GSK3B: variants seen among roughly 807,000 people sequenced by gnomAD.
The protein encoded by GSK3B is glycogen synthase kinase 3 beta.
A neutral mutation model predicts 56.4 loss-of-function variants in GSK3B; 15 were observed. The observed-to-expected ratio is 0.27, with a 90% CI of 0.18 to 0.41. The LOEUF (loss-of-function observed/expected upper bound fraction) is 0.41. GSK3B is among the 10% of genes least tolerant of loss of function. The pLI is 1.00. For missense variants in GSK3B, 300 were observed against 513.4 expected (o/e 0.58, Z 4.02); for synonymous variants, 181 against 188.9 (o/e 0.96, Z 0.34).
At chr3:120,089,429 A>G (rs146550166) in intron 1 of GSK3B, among the ~76,000 whole-genome samples, 2 of 152,362 alleles carry the variant, frequency 1.3e-5, no homozygotes, top group African/African-American at 2.4e-5. Context: ...GAAATGGACT[A>G]AACTCTAATA....
intron 2 of GSK3B, among the ~76,000 whole-genome samples, chr3:119,972,193 C>T (rs1043508421): frequency 6.6e-6 from 1 of 152,098 alleles, no homozygotes; most frequent in Non-Finnish European, 1.5e-5. Context: ...TTACCTCTAA[C>T]AGAAACTTTA....
At position 119,823,920 on chromosome 3, in the gene GSK3B, A is replaced by T. The variant is rs76949365; in HGVS notation, c.*2868T>A. 0.026 allele frequency: 4,662 copies of T among 179,874 alleles called. 187 individuals are homozygous for T. The highest frequency in any genetic ancestry group is 0.096 in the African/African-American group (4,023 of 41,910). 11.1% of individuals were successfully genotyped at this position (179,874 alleles called of 1,614,324 possible). A position where few individuals can be genotyped will look rare whatever the true frequency, so the allele number is the denominator to read the frequency against. ...ATTAAAATTTAAAAAAGAACAAATT[A>T]AAAAAAAAAACACATGGAAGCGAAG... On this transcript the variant is annotated 3_prime_UTR_variant, in exon 11 of 11. Transcript: ENST00000264235.
At chr3:119,894,252 TG>T (rs112676896) in intron 7 of GSK3B, among the ~76,000 whole-genome samples, 3,932 of 152,258 alleles carry the variant, frequency 0.026, 174 homozygotes, top group African/African-American at 0.089. Flanking sequence ...TTTGTGTGGA[TG>T]TAAGTTTTCA....
At chr3:119,948,264 T>TA (rs1171574825) in intron 2 of GSK3B, among the ~76,000 whole-genome samples, 1 of 152,102 alleles carries the variant, frequency 6.6e-6, no homozygotes, top group Non-Finnish European at 1.5e-5. Flanking sequence ...GAAATGGTGT[T>TA]ACGGTCAGAA....
chr3:119,882,614 A>C (rs932815524), intron 7 of GSK3B, among the ~76,000 whole-genome samples: 2 of 152,208 alleles, frequency 1.3e-5, no homozygotes, highest in Non-Finnish European at 2.9e-5. Flanking sequence ...ACAACTTTTT[A>C]TGTAAGTATG....
At chr3:120,026,889 T>A (rs775912111) in intron 1 of GSK3B, among the ~76,000 whole-genome samples, 21 of 151,474 alleles carry the variant, frequency 1.4e-4, no homozygotes, top group Non-Finnish European at 2.5e-4. Flanking sequence ...AATCTTGAAG[T>A]ATAATTTTCC....
intron 3 of GSK3B, among the ~76,000 whole-genome samples, chr3:119,930,123 A>ACACACACACACGCG (rs1263643512): frequency 7.3e-6 from 1 of 136,992 alleles, no homozygotes; most frequent in African/African-American, 2.5e-5. Context: ...ACACACACAC[A>ACACACACACACGCG]CGTGCGCATG....
chr3:120,012,034 A>G (rs2057783168), intron 1 of GSK3B, among the ~76,000 whole-genome samples: 1 of 152,236 alleles, frequency 6.6e-6, no homozygotes, highest in Non-Finnish European at 1.5e-5. Context: ...GATCAGCTCC[A>G]GAGTAATAGG....
At chr3:119,896,399 G>T (rs979998283) in intron 7 of GSK3B, among the ~76,000 whole-genome samples, 1 of 151,538 alleles carries the variant, frequency 6.6e-6, no homozygotes, top group Non-Finnish European at 1.5e-5. Context: ...AGAAAGGGGG[G>T]TATATGAATC....
At chr3:119,919,003 G>A (rs2056809739) in intron 4 of GSK3B, among the ~76,000 whole-genome samples, 2 of 150,986 alleles carry the variant, frequency 1.3e-5, no homozygotes, top group Admixed American at 6.7e-5. Context: ...CAACTCTCTT[G>A]TGTGATCAGA....
intron 1 of GSK3B, among the ~76,000 whole-genome samples, chr3:120,017,792 G>A (rs1454966271): frequency 3.3e-5 from 5 of 152,110 alleles, no homozygotes; most frequent in African/African-American, 7.2e-5. Context: ...CACTGGGGGC[G>A]TCCCATTTTA....
At chr3:120,035,819 T>C (rs887640738) in intron 1 of GSK3B, among the ~76,000 whole-genome samples, 14 of 152,232 alleles carry the variant, frequency 9.2e-5, no homozygotes, top group East Asian at 7.7e-4. Context: ...TTTTTATACA[T>C]TGAGCCTACA....
At chr3:120,036,243 A>G (rs2058021717) in intron 1 of GSK3B, among the ~76,000 whole-genome samples, 1 of 152,236 alleles carries the variant, frequency 6.6e-6, no homozygotes. Context: ...AATGTGCTAA[A>G]TGACTAAAAC....
At chr3:119,985,937 C>A (rs1226566102) in intron 2 of GSK3B, among the ~76,000 whole-genome samples, 1 of 152,164 alleles carries the variant, frequency 6.6e-6, no homozygotes, top group Non-Finnish European at 1.5e-5. Context: ...TCAAACTATA[C>A]TACAAGGCTA....
chr3:119,868,584 G>T (rs1209296975), intron 8 of GSK3B, among the ~76,000 whole-genome samples: 2 of 152,186 alleles, frequency 1.3e-5, no homozygotes, highest in African/African-American at 4.8e-5. Flanking sequence ...CACAGCATCA[G>T]CTCTTAGCAA....
intron 1 of GSK3B, among the ~76,000 whole-genome samples, chr3:120,059,851 T>C (rs939692204): frequency 6.6e-6 from 1 of 152,338 alleles, no homozygotes; most frequent in African/African-American, 2.4e-5. Context: ...GAACTAGCCA[T>C]ACTACAAAAC....
At chr3:119,843,190 C>T (rs2055802009) in intron 10 of GSK3B, 65 bp downstream of exon 10, 1 of 965,352 alleles carries the variant, frequency 1.0e-6, no homozygotes, top group Non-Finnish European at 1.6e-6. Context: ...GCTGGGATTA[C>T]AGGTGTGAGC....
intron 8 of GSK3B, among the ~76,000 whole-genome samples, chr3:119,869,167 T>C (rs113962179): frequency 0.03 from 3,702 of 123,040 alleles, 162 homozygotes; most frequent in African/African-American, 0.11. Context: ...GAGGCTGCAG[T>C]GAGCCGAGGT....
At chr3:119,974,478 A>G (rs2057393789) in intron 2 of GSK3B, among the ~76,000 whole-genome samples, 1 of 152,106 alleles carries the variant, frequency 6.6e-6, no homozygotes, top group South Asian at 2.1e-4. Context: ...CTTATAAAAG[A>G]TGCCCCCACG....
Sources: gnomAD v4.1 joint callset for allele counts (sites outside exome capture counted in the v4.1 genomes callset) on GRCh38, gnomAD v4.1.1 for gene constraint, MANE v1.5 for transcripts, NCBI Gene and HGNC (gene_info 2026-07-23, HGNC 2026-07-21) for gene names.